Variants in WDR33 observed in about 807,000 individuals in gnomAD.
WDR33 encodes the protein pre-mRNA 3' end processing protein WDR33.
A neutral mutation model predicts 164.9 loss-of-function variants in WDR33; 47 were observed. The ratio of observed to expected loss-of-function variants is 0.29; its 90% CI spans 0.23 to 0.36. The LOEUF (loss-of-function observed/expected upper bound fraction) is 0.36. WDR33 is among the 10% of genes least tolerant of loss of function. WDR33 has a pLI of 1.00. For missense variants in WDR33, 1,137 were observed against 1,754.1 expected (o/e 0.65, Z 6.28); for synonymous variants, 505 against 589.0 (o/e 0.86, Z 2.06).
intron 7 of WDR33, chr2:127,737,123 T>C: frequency 1.0e-6 from 1 of 985,392 alleles, no homozygotes; most frequent in South Asian, 4.7e-5. Context: ...TTTTAAAAAA[T>C]TTACATTTTT....
At chr2:127,807,133 T>C (rs1689466404) in intron 1 of WDR33, among the ~76,000 whole-genome samples, 1 of 152,174 alleles carries the variant, frequency 6.6e-6, no homozygotes. Flanking sequence ...GCTTCCCAAG[T>C]AGCTGGGATT....
intron 9 of WDR33, 37 bp downstream of exon 9, chr2:127,725,024 A>G: frequency 6.2e-7 from 1 of 1,614,180 alleles, no homozygotes; most frequent in Non-Finnish European, 8.5e-7. Flanking sequence ...TGTTACAGGT[A>G]ACAGTGGTCA....
At position 127,710,071 on chromosome 2, in the gene WDR33, G is replaced by A. The variant is rs1022273791; in HGVS notation, c.3309-215C>T. ...CCAGAAGGAAACACACCAGAGTGTG[G>A]AGTTACTTTAAGCTTCTTTTAGGCT... On this transcript the variant is annotated intron_variant, in intron 18 of 21. Coordinates refer to ENST00000322313, the MANE Select transcript of WDR33 (RefSeq NM_018383.5). This position sits in a 1 kb window ranked among gnomAD's most constrained non-coding sequence, Gnocchi z 4.4. Among the ~76,000 whole-genome samples the A allele has an allele frequency of 5.3e-5, 8 of 152,186 alleles. No homozygotes were observed. The highest frequency in any genetic ancestry group is 1.7e-4 in the African/African-American group (7 of 41,446).
rs1383389291 is a variant in WDR33 at position 127,703,217 on chromosome 2, C to T, written c.*3106G>A. The stretch of plus-strand genomic sequence containing the variant: ...ACATTGTGTGCCAGTGGTCCTCGCG[C>T]TTGACTGCACATCAGTTACTTGAAG... On this transcript the variant is annotated 3_prime_UTR_variant, in exon 22 of 22. Transcript: ENST00000322313. 1 of 167,036 alleles carries T rather than the reference C, an allele frequency of 6.0e-6. No homozygotes were observed. The highest frequency in any genetic ancestry group is 2.4e-5 in the African/African-American group (1 of 41,440). The allele number at this position is 167,036 out of a possible 1,614,324, so 10.3% of individuals were successfully genotyped here. A position where few individuals can be genotyped will look rare whatever the true frequency, so the allele number is the denominator to read the frequency against.
In WDR33 at chr2:127,712,024, G is replaced by A. The variant is rs1477068789; in HGVS notation, c.3308+1559C>T. Among the ~76,000 whole-genome samples, 20 of 150,168 alleles carry A rather than the reference G, an allele frequency of 1.3e-4. No homozygotes were observed. Among genetic ancestry groups the A allele is most frequent in the Non-Finnish European group, 2.5e-4 (17 of 67,634 alleles). On this transcript the variant is annotated intron_variant, in intron 18 of 21. Coordinates refer to ENST00000322313, the MANE Select transcript of WDR33 (RefSeq NM_018383.5). The surrounding 1 kb of genome is among the most constrained non-coding windows in gnomAD (Gnocchi z 4.0). ...CCTGACCTCGTGATACACCCACCTC[G>A]GCCTCCCAAAGTGCTGGGATTACAA...
At chr2:127,751,598 A>G (rs1687365517) in intron 7 of WDR33, among the ~76,000 whole-genome samples, 1 of 152,012 alleles carries the variant, frequency 6.6e-6, no homozygotes, top group African/African-American at 2.4e-5. Context: ...TAAAAAAGAT[A>G]CAAATGGAAT....
chr2:127,781,958 A>G (rs1423783402), intron 1 of WDR33, among the ~76,000 whole-genome samples: 1 of 146,648 alleles, frequency 6.8e-6, no homozygotes, highest in Non-Finnish European at 1.5e-5. Flanking sequence ...AGATTGCGCC[A>G]TTGCACTCCA....
In WDR33 at chr2:127,714,010, C is replaced by A; in HGVS notation, c.2881G>T (p.Gly961Cys). Residue 961 changes from glycine to cysteine, a missense_variant, in exon 18 of 22, where the codon GGC (glycine) becomes TGC (cysteine). Coordinates refer to ENST00000322313, the MANE Select transcript of WDR33 (RefSeq NM_018383.5). The surrounding 1 kb of genome is among the most constrained non-coding windows in gnomAD (Gnocchi z 4.3). ...GPGPNKGDSR[G>C]PPNHHMGPMS... ...GGGCCCATGTGATGGTTTGGAGGGCCGCGGGAGTCACCTAAAGGAAACAAA... is the reference window on the plus strand; with the variant it reads ...GGGCCCATGTGATGGTTTGGAGGGCAGCGGGAGTCACCTAAAGGAAACAAA... 6.6e-7 allele frequency: 1 copy of A among 1,519,256 alleles called. No homozygotes were observed. 94.1% of individuals were successfully genotyped at this position (1,519,256 alleles called of 1,614,324 possible). A position where few individuals can be genotyped will look rare whatever the true frequency, so the allele number is the denominator to read the frequency against.
chr2:127,797,355 G>A (rs1227858499), intron 1 of WDR33, among the ~76,000 whole-genome samples: 2 of 152,054 alleles, frequency 1.3e-5, no homozygotes, highest in African/African-American at 4.8e-5. Context: ...AGCTGGGCGT[G>A]GTGGCGCACA....
At position 127,713,916 on chromosome 2, in the gene WDR33, C is replaced by T; in HGVS notation, c.2975G>A (p.Gly992Asp). Residue 992 changes from glycine (G) to aspartate (D), a missense_variant, in exon 18 of 22, where the codon GGT becomes GAT. Physicochemically the swap from Gly to Asp is moderately conservative, Grantham distance 94 (BLOSUM62 -1). Coordinates refer to ENST00000322313, the MANE Select transcript of WDR33 (RefSeq NM_018383.5). This position sits in a 1 kb window ranked among gnomAD's most constrained non-coding sequence, Gnocchi z 6.2. ...AGGGGGACCCCTGCAGTCCTGGCCA[C>T]CCCGGAAAGGCCCCCTCTCGGGCCC... ...EHGPERGPFR[G>D]GQDCRGPPDR... 2.5e-6 allele frequency: 4 copies of T among 1,611,200 alleles called. No individual in the cohort carries two copies. Among genetic ancestry groups the T allele is most frequent in the Non-Finnish European group, 3.4e-6 (4 of 1,178,348 alleles).
At chr2:127,762,039 T>C (rs1373481559) in intron 7 of WDR33, among the ~76,000 whole-genome samples, 2 of 152,174 alleles carry the variant, frequency 1.3e-5, no homozygotes, top group Admixed American at 6.5e-5. Context: ...TCTGAAAAAC[T>C]GTGAGAAACT....
In WDR33 at chr2:127,712,797, G is replaced by A. The variant is rs546185803; in HGVS notation, c.3308+786C>T. 5.3e-5 allele frequency among the ~76,000 whole-genome samples: 8 copies of A among 152,202 alleles called. No homozygotes were observed. Among genetic ancestry groups the A allele is most frequent in the African/African-American group, 1.9e-4 (8 of 41,526 alleles). ...CTTTTAAGAGACAGGGTCTTGCTCT[G>A]TAGCCCAGGCTGAAGTGCAATGGCA... On this transcript the variant is annotated intron_variant, in intron 18 of 21. Transcript: ENST00000322313. This position sits in a 1 kb window ranked among gnomAD's most constrained non-coding sequence, Gnocchi z 4.0.
intron 1 of WDR33, among the ~76,000 whole-genome samples, chr2:127,785,964 C>A (rs993856004): frequency 6.6e-6 from 1 of 152,210 alleles, no homozygotes; most frequent in Non-Finnish European, 1.5e-5. Flanking sequence ...TGCTCCGTAT[C>A]GTTGACAGCA....
intron 1 of WDR33, among the ~76,000 whole-genome samples, chr2:127,796,074 ATTTT>A (rs11325131): frequency 1.6e-4 from 22 of 139,388 alleles, no homozygotes; most frequent in African/African-American, 5.7e-4. Context: ...ATTACTGTTA[ATTTT>A]TTTTTTTTTT....
In WDR33 at chr2:127,735,973, G is replaced by T; in HGVS notation, c.725-9196C>A. 1.0e-6 allele frequency: 1 copy of T among 985,396 alleles called. No individual in the cohort carries two copies. The highest frequency in any genetic ancestry group is 1.2e-6 in the Non-Finnish European group (1 of 829,924). 61.0% of individuals were successfully genotyped at this position (985,396 alleles called of 1,614,324 possible). The stretch of plus-strand genomic sequence containing the variant: ...CTGGAAAGGGGGTATGCCTAGGCAG[G>T]GCAGTGTTTTCACAATGTATGTTCC... On this transcript the variant is annotated intron_variant, in intron 7 of 21. Transcript: ENST00000322313. The surrounding 1 kb of genome is among the most constrained non-coding windows in gnomAD (Gnocchi z 4.3).
At chr2:127,727,351 A>G (rs1686595810) in intron 7 of WDR33, among the ~76,000 whole-genome samples, 1 of 152,202 alleles carries the variant, frequency 6.6e-6, no homozygotes, top group Non-Finnish European at 1.5e-5. Context: ...ATGAGGTAAT[A>G]ATAACAGCTA....
Position 127,724,086 on chromosome 2 carries a change from TAAATAAATA to T in WDR33, c.1196+238_1196+246del, listed in dbSNP as rs1686506338. Among the ~76,000 whole-genome samples the T allele has an allele frequency of 6.6e-6, 1 of 151,802 alleles. No individual in the cohort carries two copies. The highest frequency in any genetic ancestry group is 2.4e-5 in the African/African-American group (1 of 41,294). On this transcript the variant is annotated intron_variant, in intron 11 of 21. Coordinates refer to ENST00000322313, the MANE Select transcript of WDR33 (RefSeq NM_018383.5). The surrounding 1 kb of genome is among the most constrained non-coding windows in gnomAD (Gnocchi z 4.8). ...ACCCTGTCTCAAATAAATAAATAAA[TAAATAAATA>T]AAAGTGGAAAACTTCTGTTTTAAGT... is the stretch of plus-strand genomic sequence containing the variant.
At position 127,713,109 on chromosome 2, in the gene WDR33, T is replaced by C. The variant is rs1686219554; in HGVS notation, c.3308+474A>G. Among the ~76,000 whole-genome samples, 1 of 152,218 alleles carries C rather than the reference T, an allele frequency of 6.6e-6. No homozygotes were observed. ...TTCTGTTCCTTAAACTCCCCAAGAATGCTGAGATGAGTGTTCAAGCCTGAT... is the reference window on the plus strand; with the variant it reads ...TTCTGTTCCTTAAACTCCCCAAGAACGCTGAGATGAGTGTTCAAGCCTGAT... On this transcript the variant is annotated intron_variant, in intron 18 of 21. Transcript: ENST00000322313. This position sits in a 1 kb window ranked among gnomAD's most constrained non-coding sequence, Gnocchi z 6.2.
At position 127,765,201 on chromosome 2, in the gene WDR33, G is replaced by A. The variant is rs776337489; in HGVS notation, c.447C>T (p.Leu149=). The A allele has an allele frequency of 6.2e-7, 1 of 1,614,094 alleles. No individual in the cohort carries two copies. The highest frequency in any genetic ancestry group is 8.5e-7 in the Non-Finnish European group (1 of 1,179,998). The change falls in exon 5 of 22, where the codon CTC becomes CTT. Residue 149 remains leucine (L), a synonymous_variant. Transcript: ENST00000322313. ...SSGEFTLWNG[L]TFNFETILQA... is the part of the protein sequence containing the mutation. ...GTAATATTGTTTCAAAATTGAAAGTGAGTCCATTCCACAGGGTAAACTCCC... is the reference window on the plus strand; with the variant it reads ...GTAATATTGTTTCAAAATTGAAAGTAAGTCCATTCCACAGGGTAAACTCCC...
Sources: allele counts gnomAD v4.1 joint callset (sites outside exome capture counted in the v4.1 genomes callset), GRCh38; gene constraint gnomAD v4.1.1; non-coding constraint Gnocchi (gnomAD v3.1); transcripts MANE v1.5; gene names NCBI Gene and HGNC (gene_info 2026-07-23, HGNC 2026-07-21).